RBFOX1: variants seen among roughly 807,000 people sequenced by gnomAD.
RBFOX1 encodes the protein RNA binding protein fox-1 homolog 1.
Under a neutral mutation model 57.7 loss-of-function variants are expected in RBFOX1, and 8 were observed. The ratio of observed to expected loss-of-function variants is 0.14; its 90% CI spans 0.08 to 0.25. RBFOX1 has a LOEUF of 0.25. RBFOX1 is among the 10% of genes least tolerant of loss of function. The pLI, the probability that RBFOX1 is intolerant of heterozygous loss-of-function variation, is 1.00. For synonymous variants in RBFOX1, 326 were observed against 222.4 expected (o/e 1.47, Z -4.15); for missense variants, 611 against 548.5 (o/e 1.11, Z -1.14).
In RBFOX1 at chr16:5,919,074, C is replaced by T. The variant is rs962578171; in HGVS notation, c.351+51739C>T. ...CTTTCCCAGTGTCTGAGAGCTGAGG[C>T]AGTTTCAGCCTATCACCTGATAGCA... On this transcript the variant is annotated intron_variant, in intron 4 of 19. Coordinates refer to the RBFOX1 transcript ENST00000641259. Among the ~76,000 whole-genome samples, 12 of 152,252 alleles carry T rather than the reference C, an allele frequency of 7.9e-5. No individual in the cohort carries two copies. The South Asian group carries it at 1.7e-3, about 21-fold the overall frequency.
At chr16:7,417,981 C>G (rs544840839) in intron 4 of RBFOX1, among the ~76,000 whole-genome samples, 26 of 152,130 alleles carry the variant, frequency 1.7e-4, no homozygotes, top group Non-Finnish European at 3.1e-4. Flanking sequence ...CACAACCACC[C>G]TCATCCCACA....
At chr16:7,687,829 G>T (rs1568463030) in intron 14 of RBFOX1, among the ~76,000 whole-genome samples, 1 of 151,964 alleles carries the variant, frequency 6.6e-6, no homozygotes, top group Non-Finnish European at 1.5e-5. Context: ...GAAGAGGCAA[G>T]ATACATATGT....
At chr16:7,581,119 C>G (rs1300846270) in intron 6 of RBFOX1, among the ~76,000 whole-genome samples, 1 of 152,160 alleles carries the variant, frequency 6.6e-6, no homozygotes, top group African/African-American at 2.4e-5. Context: ...AAGTATGCAT[C>G]TGACACAAAA....
At chr16:5,737,584 A>G (rs1257983477) in intron 3 of RBFOX1, among the ~76,000 whole-genome samples, 4 of 136,254 alleles carry the variant, frequency 2.9e-5, no homozygotes, top group African/African-American at 1.1e-4. Context: ...TCCTGCTGCT[A>G]TGTGGCTAAC....
Position 6,397,551 on chromosome 16 carries a change from A to G in RBFOX1, c.-64+80494A>G, listed in dbSNP as rs775811916. Among the ~76,000 whole-genome samples, 36 of 152,330 alleles carry G rather than the reference A, an allele frequency of 2.4e-4. No homozygotes were observed. The Middle Eastern group carries it at 0.02, about 86-fold the overall frequency. ...TATAAGAACTGTAGCTTTAAAGGGTATCTTCAGAGTGAAAGGAAATGATGC... is the reference window on the plus strand; with the variant it reads ...TATAAGAACTGTAGCTTTAAAGGGTGTCTTCAGAGTGAAAGGAAATGATGC... On this transcript the variant is annotated intron_variant, in intron 2 of 15. Transcript: ENST00000550418.
chr16:6,912,975 G>C (rs1421042754), intron 3 of RBFOX1, among the ~76,000 whole-genome samples: 1 of 151,916 alleles, frequency 6.6e-6, no homozygotes, highest in Non-Finnish European at 1.5e-5. Flanking sequence ...CACCTCATCT[G>C]GCTGTTACCC....
At chr16:5,357,645 C>G (rs1164076762) in intron 1 of RBFOX1, among the ~76,000 whole-genome samples, 1 of 152,220 alleles carries the variant, frequency 6.6e-6, no homozygotes, top group East Asian at 1.9e-4. Context: ...GGTGATGCTT[C>G]TGGATCATGA....
At chr16:6,094,851 T>C (rs143995223) in intron 1 of RBFOX1, among the ~76,000 whole-genome samples, 1 of 152,176 alleles carries the variant, frequency 6.6e-6, no homozygotes, top group South Asian at 2.1e-4. Context: ...CCTGAGGTCA[T>C]AAGTTTGAGA....
rs559305102 is a variant in RBFOX1, at chr16:6,816,248, G to A, written c.-16+161598G>A. Among the ~76,000 whole-genome samples, 10 of 152,242 alleles carry A rather than the reference G, an allele frequency of 6.6e-5. 1 individual carries two copies. Among genetic ancestry groups the A allele is most frequent in the Admixed American group, 2.6e-4 (4 of 15,294 alleles). On this transcript the variant is annotated intron_variant, in intron 3 of 15. Coordinates refer to ENST00000550418, the MANE Select transcript of RBFOX1 (RefSeq NM_018723.4). Reference sequence around the variant, plus strand: ...TGCTTCAGTACTGGAGTTCAAGACCGTAGTAAGCTATGATCACACTATTGC... The same window carrying A: ...TGCTTCAGTACTGGAGTTCAAGACCATAGTAAGCTATGATCACACTATTGC...
intron 15 of RBFOX1, 127 bp from the exon 16 acceptor site, chr16:7,710,496 G>T (rs2083840768): frequency 1.9e-6 from 3 of 1,552,030 alleles, no homozygotes; most frequent in Non-Finnish European, 2.6e-6. Context: ...AATGACCTGG[G>T]ATGGGTAGGG....
At position 7,064,716 on chromosome 16, in the gene RBFOX1, G is replaced by A. The variant is rs532547063; in HGVS notation, c.27+12618G>A. On this transcript the variant is annotated intron_variant, in intron 4 of 15. Transcript: ENST00000550418. ...CCTAGCAAACGCACATCTAAACCTC[G>A]TGAGAATCAAATACATTGCTACTAA... Among the ~76,000 whole-genome samples, 12 of 152,208 alleles carry A rather than the reference G, an allele frequency of 7.9e-5. No homozygotes were observed. In the East Asian group the frequency reaches 1.9e-3, roughly 25 times the overall value.
chr16:6,805,189 C>A (rs150047389), intron 3 of RBFOX1, among the ~76,000 whole-genome samples: 1 of 152,292 alleles, frequency 6.6e-6, no homozygotes, highest in African/African-American at 2.4e-5. Flanking sequence ...GGTACATCTA[C>A]ACCATGGAAT....
chr16:6,098,285 G>A (rs1025334843), intron 1 of RBFOX1, among the ~76,000 whole-genome samples: 1 of 152,144 alleles, frequency 6.6e-6, no homozygotes, highest in Non-Finnish European at 1.5e-5. Context: ...AAGGTCACCT[G>A]GCAAGTCCCT....
chr16:7,219,338 G>C lies in RBFOX1; in HGVS notation c.27+167240G>C, dbSNP rs978026305. On this transcript the variant is annotated intron_variant, in intron 4 of 15. Transcript: ENST00000550418. ...TAGAGATGCTTTTAATGAGCTGCAA[G>C]ATCGAGCTGAATAAGTCAGAAAGGA... Among the ~76,000 whole-genome samples the C allele has an allele frequency of 2.6e-5, 4 of 152,210 alleles. No individual in the cohort carries two copies. The East Asian group carries it at 7.7e-4, about 29-fold the overall frequency.
intron 3 of RBFOX1, among the ~76,000 whole-genome samples, chr16:6,790,025 T>A (rs1223217606): frequency 1.3e-5 from 2 of 151,114 alleles, no homozygotes; most frequent in African/African-American, 4.8e-5. Flanking sequence ...TTTGTTTGAA[T>A]TTACTGTTAT....
At chr16:7,578,005 A>C (rs1367533324) in intron 5 of RBFOX1, among the ~76,000 whole-genome samples, 2 of 152,258 alleles carry the variant, frequency 1.3e-5, no homozygotes, top group East Asian at 3.8e-4. Context: ...GGGCTGATTT[A>C]TGTGTCCAAC....
At chr16:6,920,031 G>C (rs1056843592) in intron 3 of RBFOX1, among the ~76,000 whole-genome samples, 1 of 151,986 alleles carries the variant, frequency 6.6e-6, no homozygotes, top group African/African-American at 2.4e-5. Context: ...CGGAAAATAT[G>C]ATATTTGTTT....
intron 3 of RBFOX1, among the ~76,000 whole-genome samples, chr16:5,646,966 C>T (rs565369638): frequency 1.3e-5 from 2 of 152,182 alleles, no homozygotes; most frequent in East Asian, 1.9e-4. Context: ...AGGGAAATAC[C>T]GAGAAAGGGG....
intron 3 of RBFOX1, among the ~76,000 whole-genome samples, chr16:6,877,454 A>AG (rs1297118484): frequency 6.6e-6 from 1 of 152,174 alleles, no homozygotes; most frequent in Admixed American, 6.5e-5. Context: ...GTAGTGGGGA[A>AG]GCTTGACTTC....
Sources: allele counts gnomAD v4.1 joint callset (sites outside exome capture counted in the v4.1 genomes callset), GRCh38; gene constraint gnomAD v4.1.1; transcripts MANE v1.5; gene names NCBI Gene and HGNC (gene_info 2026-07-23, HGNC 2026-07-21).